Variants in EMC1 observed in about 807,000 individuals in gnomAD.
EMC1 encodes ER membrane protein complex subunit 1, also known as KIAA0090.
Under a neutral mutation model 128.8 loss-of-function variants are expected in EMC1, and 103 were observed. The ratio of observed to expected loss-of-function variants is 0.80; its 90% CI spans 0.68 to 0.94. EMC1 has a LOEUF of 0.94. EMC1 is among the 40% of genes least tolerant of loss of function. The pLI, the probability that EMC1 is intolerant of heterozygous loss-of-function variation, is 0.00. For missense variants in EMC1, 1,083 were observed against 1,250.6 expected (o/e 0.87, Z 2.02); for synonymous variants, 442 against 490.4 (o/e 0.90, Z 1.30).
In EMC1 at chr1:19,245,008, C is replaced by G. The variant is rs1558113972; in HGVS notation, c.118G>C (p.Val40Leu). ...FDWRQQYVGK[V>L]KFASLEFSPG... The stretch of plus-strand genomic sequence containing the variant: ...GAAAATTCCAAGGAGGCAAACTTGA[C>G]CTTCCCAACATATTGCTGTCTCCTG... The change falls in exon 2 of 23, where the codon GTC becomes CTC. Residue 40 changes from valine to leucine, a missense_variant. Val to Leu is a conservative substitution (Grantham distance 32, BLOSUM62 1). Coordinates refer to ENST00000477853, the MANE Select transcript of EMC1 (RefSeq NM_015047.3). 1 of 1,613,942 alleles carries G rather than the reference C, an allele frequency of 6.2e-7. No homozygotes were observed. The highest frequency in any genetic ancestry group is 1.3e-5 in the African/African-American group (1 of 75,036).
chr1:19,248,288 C>G (rs2093640951), intron 1 of EMC1, among the ~76,000 whole-genome samples: 1 of 152,174 alleles, frequency 6.6e-6, no homozygotes, highest in Admixed American at 6.6e-5. Context: ...GCCACGACCT[C>G]CCAGGCTTAG....
intron 15 of EMC1, 32 bp from the exon 16 acceptor site, chr1:19,231,454 C>T (rs2093521134): frequency 6.3e-7 from 1 of 1,598,204 alleles, no homozygotes; most frequent in South Asian, 1.1e-5. Context: ...GCTCCACCAA[C>T]AAGAAAAGAC....
chr1:19,247,478 G>A (rs1223159698), intron 1 of EMC1, among the ~76,000 whole-genome samples: 1 of 152,166 alleles, frequency 6.6e-6, no homozygotes, highest in Non-Finnish European at 1.5e-5. Flanking sequence ...CTATAACCTA[G>A]TAACATTGTA....
At chr1:19,220,618 G>T in intron 21 of EMC1, 146 bp downstream of exon 21, 1 of 542,668 alleles carries the variant, frequency 1.8e-6, no homozygotes, top group Non-Finnish European at 3.3e-6. Flanking sequence ...CTCCATGAGG[G>T]CAGGTGACTT....
At chr1:19,222,996 A>G in intron 19 of EMC1, 162 bp from the exon 20 acceptor site, 1 of 611,710 alleles carries the variant, frequency 1.6e-6, no homozygotes, top group South Asian at 2.2e-5. Context: ...CTAACTTTCA[A>G]AGTAGTTTTA....
intron 1 of EMC1, 93 bp downstream of exon 1, chr1:19,251,322 G>A (rs1485789997): frequency 8.3e-7 from 1 of 1,201,068 alleles, no homozygotes; most frequent in Non-Finnish European, 1.2e-6. Context: ...AAATTATGCG[G>A]CCAATCCTGT....
chr1:19,245,627 C>CT (rs539316345), intron 1 of EMC1, among the ~76,000 whole-genome samples: 3,291 of 123,090 alleles, frequency 0.027, 121 homozygotes, highest in Middle Eastern at 0.07. Flanking sequence ...CCTTACCTTT[C>CT]TTTTTTTTTT....
intron 18 of EMC1, among the ~76,000 whole-genome samples, chr1:19,225,436 G>A (rs1296222063): frequency 6.6e-6 from 1 of 152,162 alleles, no homozygotes; most frequent in African/African-American, 2.4e-5. Flanking sequence ...CAGATCACGA[G>A]ATCAAGAGAT....
In EMC1 at chr1:19,232,729, C is replaced by T. The variant is rs371773775; in HGVS notation, c.1677G>A (p.Gln559=). 24 of 1,614,034 alleles carry T rather than the reference C, an allele frequency of 1.5e-5. No homozygotes were observed. In the African/African-American group the frequency reaches 3.1e-4, roughly 21 times the overall value. The change falls in exon 15 of 23, where the codon CAG becomes CAA. Residue 559 remains glutamine, a synonymous_variant. Coordinates refer to ENST00000477853, the MANE Select transcript of EMC1 (RefSeq NM_015047.3). The stretch of plus-strand genomic sequence containing the variant: ...AGTCTGGCTTGACATTGGGTAGATA[C>T]TGTTTCCACAGGATGGTGCCAGAGC... ...ESSSGTILWK[Q]YLPNVKPDSS...
At chr1:19,227,853 A>G (rs2093488311) in intron 17 of EMC1, among the ~76,000 whole-genome samples, 1 of 152,176 alleles carries the variant, frequency 6.6e-6, no homozygotes, top group Non-Finnish European at 1.5e-5. Context: ...AAAATAAACC[A>G]GAAAAACAGC....
chr1:19,219,987 A>T, intron 21 of EMC1: 1 of 375,542 alleles, frequency 2.7e-6, no homozygotes, highest in Non-Finnish European at 4.9e-6. Flanking sequence ...AGGAAAGCCG[A>T]CCATTTTAAA....
chr1:19,238,268 G>A (rs2093580935), intron 10 of EMC1, 129 bp from the exon 11 acceptor site: 1 of 1,047,810 alleles, frequency 9.5e-7, no homozygotes, highest in Non-Finnish European at 1.4e-6. Flanking sequence ...TATATGCAAA[G>A]GAGAATAAAA....
intron 17 of EMC1, 50 bp downstream of exon 17, chr1:19,230,794 A>G (rs1416584185): frequency 6.2e-7 from 1 of 1,609,452 alleles, no homozygotes; most frequent in Middle Eastern, 1.7e-4. Context: ...ATGGCCAGGA[A>G]ACACCTGCAT....
intron 17 of EMC1, among the ~76,000 whole-genome samples, chr1:19,229,971 G>T (rs2093507424): frequency 2.0e-5 from 3 of 152,202 alleles, no homozygotes; most frequent in African/African-American, 7.2e-5. Context: ...GGATGGGAGA[G>T]CTGTTTGTGA....
chr1:19,227,440 G>T lies in EMC1; in HGVS notation c.2075C>A (p.Thr692Asn). The part of the protein sequence containing the change: ...CGYRLRKDLT[T>N]ELSWELTIPP... ...AATGGTCAGCTCCCAACTCAGCTCA[G>T]TGGTGAGATCCTAGGGCAGGGGCAA... The change falls in exon 18 of 23, where the codon ACT becomes AAT. Residue 692 changes from threonine to asparagine, a missense_variant. By Grantham distance (65) the Thr-to-Asn change is moderately conservative. Around this residue, in one of 3 missense-constraint regions of EMC1, gnomAD observed 527 missense variants for 644.1 expected, o/e 0.82. Transcript: ENST00000477853. The T allele has an allele frequency of 6.2e-7, 1 of 1,614,220 alleles. No homozygotes were observed. The highest frequency in any genetic ancestry group is 8.5e-7 in the Non-Finnish European group (1 of 1,180,044).
chr1:19,225,830 AAAAG>A (rs1384552560), intron 18 of EMC1, among the ~76,000 whole-genome samples: 2 of 152,006 alleles, frequency 1.3e-5, no homozygotes, highest in East Asian at 1.9e-4. Context: ...AAAAAAAAAA[AAAAG>A]AGTCAATAGC....
Position 19,235,208 on chromosome 1 carries a change from C to G in EMC1, c.1354G>C (p.Val452Leu), listed in dbSNP as rs759444198. The G allele has an allele frequency of 1.2e-6, 2 of 1,613,794 alleles. No homozygotes were observed. The highest frequency in any genetic ancestry group is 4.5e-5 in the East Asian group (2 of 44,876). ...AGGTCCACCATCTCTAGGCACACCA[C>G]TTCTGCCAGGGACTCCTCACGGCTC... ...LWSREESLAE[V>L]VCLEMVDLPL... is the part of the protein sequence containing the mutation. Residue 452 changes from valine (V) to leucine (L), a missense_variant, in exon 13 of 23, where the codon GTG (valine) becomes CTG (leucine). Around this residue, in one of 3 missense-constraint regions of EMC1, gnomAD observed 544 missense variants for 572.4 expected, o/e 0.95. Coordinates refer to ENST00000477853, the MANE Select transcript of EMC1 (RefSeq NM_015047.3).
At chr1:19,238,679 C>A (rs2093584377) in intron 10 of EMC1, 116 bp downstream of exon 10, 7 of 707,948 alleles carry the variant, frequency 9.9e-6, no homozygotes, top group Admixed American at 7.2e-5. Context: ...ACTTAGGAAA[C>A]CTCATTTGAA....
chr1:19,238,162 T>C, intron 10 of EMC1, 23 bp from the exon 11 acceptor site: 2 of 1,611,484 alleles, frequency 1.2e-6, no homozygotes, highest in Non-Finnish European at 1.7e-6. Flanking sequence ...ACAGCACGTG[T>C]CAACTACAGG....
Sources: gnomAD v4.1 joint callset for allele counts (sites outside exome capture counted in the v4.1 genomes callset) on GRCh38, gnomAD v4.1.1 for gene constraint, gnomAD v4.1.1 regional missense constraint, MANE v1.5 for transcripts, NCBI Gene and HGNC (gene_info 2026-07-23, HGNC 2026-07-21) for gene names.